Variants in UPRT observed in about 807,000 individuals in gnomAD.
UPRT encodes the protein uracil phosphoribosyltransferase homolog, also known as RP11-311P8.3.
Under a neutral mutation model 22.6 loss-of-function variants are expected in UPRT, and 5 were observed. That is an observed-to-expected ratio of 0.22 (90% CI 0.12 to 0.47). The LOEUF (loss-of-function observed/expected upper bound fraction) is 0.47, where lower values mean the gene tolerates loss of function less well. Ranked by LOEUF, UPRT falls within the 20% of genes least tolerant of loss-of-function variation. The probability of loss-of-function intolerance (pLI) is 0.99; values close to 1 mark genes in which losing one functional copy is unlikely to be tolerated. For synonymous variants in UPRT, 77 were observed against 87.7 expected (o/e 0.88, Z 0.68); for missense variants, 181 against 239.9 (o/e 0.75, Z 1.62).
intron 1 of UPRT, among the ~76,000 whole-genome samples, chrX:75,291,035 CTT>C (rs747525931): frequency 2.4e-4 from 27 of 111,901 alleles, no homozygotes; most frequent in African/African-American, 6.8e-4. Flanking sequence ...GTGAAGATAA[CTT>C]TTTAAAATGA....
In UPRT at chrX:75,274,360, C is replaced by T; in HGVS notation, c.106C>T (p.Leu36=). 8.3e-7 allele frequency: 1 copy of T among 1,211,555 alleles called. No individual in the cohort carries two copies. Among genetic ancestry groups the T allele is most frequent in the Non-Finnish European group, 1.1e-6 (1 of 895,446 alleles). The change falls in exon 1 of 7, where the codon CTG becomes TTG. Residue 36 remains leucine, a synonymous_variant. Transcript: ENST00000373383. ...GCAGCTGCGACCTGGCGATCTGATC[C>T]TGGACCACGCAGGGGGAAACAGAGC... ...PEQLRPGDLI[L]DHAGGNRASR... is the part of the protein sequence containing the mutation.
intron 1 of UPRT, among the ~76,000 whole-genome samples, chrX:75,158,410 T>A (rs1465112966): frequency 2.0e-4 from 22 of 112,346 alleles, no homozygotes; most frequent in Non-Finnish European, 1.9e-5. Context: ...TGTATAGTAT[T>A]TTGTAACTTA....
rs760561698 is a variant in UPRT at position 75,303,420 on chromosome X, T to C, written c.839T>C (p.Ile280Thr). 4.1e-6 allele frequency: 5 copies of C among 1,206,181 alleles called. No homozygotes were observed. The East Asian group carries it at 8.9e-5, about 22-fold the overall frequency. ...TTTTTTGAAGGTGCCAAATCAATCA[T>C]TCAGGAGTTTCCAGAGATCACAATT... ...FSTPHGAKSI[I>T]QEFPEITILT... is the part of the protein sequence containing the mutation. Residue 280 changes from isoleucine (I) to threonine (T), a missense_variant, in exon 7 of 7, where the codon ATT (isoleucine) becomes ACT (threonine). By Grantham distance (89) the Ile-to-Thr change is moderately conservative. This residue lies in a region of UPRT where 70 missense variants were observed against 137.0 expected (regional missense o/e 0.51). Transcript: ENST00000373383.
intron 4 of UPRT, among the ~76,000 whole-genome samples, chrX:75,199,339 G>C (rs1172742703): frequency 1.8e-5 from 2 of 111,363 alleles, no homozygotes; most frequent in Non-Finnish European, 3.8e-5. Flanking sequence ...AGATATCCAA[G>C]TAGGGTAAGC....
At chrX:75,192,161 G>GTA (rs957066389) in intron 4 of UPRT, among the ~76,000 whole-genome samples, 5 of 111,622 alleles carry the variant, frequency 4.5e-5, no homozygotes, top group Admixed American at 1.9e-4. Flanking sequence ...CTGGTATGTT[G>GTA]TATTTTTCTT....
At chrX:75,188,606 G>C (rs1234459897) in intron 4 of UPRT, among the ~76,000 whole-genome samples, 1 of 112,587 alleles carries the variant, frequency 8.9e-6, no homozygotes, top group Admixed American at 9.3e-5. Flanking sequence ...GCAATGGCGG[G>C]CGCCCCTCCC....
chrX:75,243,482 C>T (rs1324369130), intron 4 of UPRT, among the ~76,000 whole-genome samples: 4 of 111,116 alleles, frequency 3.6e-5, no homozygotes, highest in Non-Finnish European at 5.7e-5. Context: ...ATTGGCAATC[C>T]TCAAGTTTTT....
At chrX:75,302,581 T>G (rs2082748057) in intron 6 of UPRT, among the ~76,000 whole-genome samples, 1 of 111,777 alleles carries the variant, frequency 8.9e-6, no homozygotes, top group Admixed American at 9.6e-5. Flanking sequence ...ACATTTTTGA[T>G]GCCATTCAAT....
intron 4 of UPRT, among the ~76,000 whole-genome samples, chrX:75,183,356 C>T (rs895376945): frequency 1.8e-5 from 2 of 111,625 alleles, no homozygotes; most frequent in African/African-American, 6.5e-5. Context: ...ATGAACTCAT[C>T]CTTTTTTATG....
At chrX:75,175,216 T>G (rs775071820) in intron 4 of UPRT, among the ~76,000 whole-genome samples, 5 of 111,689 alleles carry the variant, frequency 4.5e-5, no homozygotes, top group Admixed American at 9.6e-5. Flanking sequence ...ACTTCAGTGT[T>G]GATTCCTTCC....
chrX:75,237,534 A>T (rs1234163154), intron 4 of UPRT, among the ~76,000 whole-genome samples: 6 of 110,213 alleles, frequency 5.4e-5, no homozygotes, highest in African/African-American at 2.0e-4. Flanking sequence ...AATAGCAAAG[A>T]CTTGGAACCA....
At chrX:75,223,318 G>T (rs186558185) in intron 4 of UPRT, among the ~76,000 whole-genome samples, 16 of 110,237 alleles carry the variant, frequency 1.5e-4, no homozygotes. Context: ...TGGGGGAGGG[G>T]TGGCAAAGGC....
intron 4 of UPRT, among the ~76,000 whole-genome samples, chrX:75,249,723 A>G (rs1049801763): frequency 9.0e-6 from 1 of 111,696 alleles, no homozygotes; most frequent in Non-Finnish European, 1.9e-5. Context: ...ATAGACACCT[A>G]CAGAACTCTT....
At chrX:75,270,607 G>T (rs1411892385), upstream of UPRT, among the ~76,000 whole-genome samples, 8 of 111,503 alleles carry the variant, frequency 7.2e-5, no homozygotes, top group African/African-American at 2.6e-4. Context: ...TCTTTTGCAG[G>T]GACATGGATG....
At chrX:75,164,788 A>T (rs929879393) in intron 3 of UPRT, among the ~76,000 whole-genome samples, 2 of 111,273 alleles carry the variant, frequency 1.8e-5, no homozygotes, top group African/African-American at 6.5e-5. Flanking sequence ...TAAAACTTTA[A>T]AAAAAAATCA....
chrX:75,180,681 G>GTTTTTTTTTTTTTTTTTTTTTTTT (rs59522302), intron 4 of UPRT, among the ~76,000 whole-genome samples: 5 of 43,894 alleles, frequency 1.1e-4, no homozygotes, highest in Admixed American at 3.6e-4. Context: ...CCTTTTCTCT[G>GTTTTTTTTTTTTTTTTTTTTTTTT]TTTTTTTTTT....
At chrX:75,167,099 T>C (rs1569257070) in intron 3 of UPRT, among the ~76,000 whole-genome samples, 1 of 112,170 alleles carries the variant, frequency 8.9e-6, no homozygotes, top group Non-Finnish European at 1.9e-5. Flanking sequence ...TCAGCAATAC[T>C]TGATATTGTA....
At chrX:75,218,252 G>T (rs1252766118) in intron 4 of UPRT, among the ~76,000 whole-genome samples, 1 of 110,973 alleles carries the variant, frequency 9.0e-6, no homozygotes, top group Non-Finnish European at 1.9e-5. Flanking sequence ...CTTCTCAAAA[G>T]AAGACATTTA....
chrX:75,222,506 C>T (rs921220281), intron 4 of UPRT, among the ~76,000 whole-genome samples: 1 of 111,761 alleles, frequency 8.9e-6, no homozygotes, highest in Non-Finnish European at 1.9e-5. Context: ...TAGAAATCTG[C>T]CATGTGCTCT....
Sources: gnomAD v4.1 joint callset for allele counts (sites outside exome capture counted in the v4.1 genomes callset) on GRCh38, gnomAD v4.1.1 for gene constraint, gnomAD v4.1.1 regional missense constraint, MANE v1.5 for transcripts, NCBI Gene and HGNC (gene_info 2026-07-23, HGNC 2026-07-21) for gene names.